Variants in CDKN2B-AS1 observed in about 807,000 individuals in gnomAD.
CDKN2B-AS1 encodes the protein CDKN2B and CDKN2A antisense cis and trans regulatory RNA 1.
chr9:22,061,782 G>T (rs1823831525), intron 4 of CDKN2B-AS1, among the ~76,000 whole-genome samples: 1 of 151,972 alleles, frequency 6.6e-6, no homozygotes, highest in African/African-American at 2.4e-5. Flanking sequence ...TACAAAAGGG[G>T]GGAGGGAATA....
At chr9:22,091,912 G>A (rs1825102362) in intron 4 of CDKN2B-AS1, among the ~76,000 whole-genome samples, 1 of 152,238 alleles carries the variant, frequency 6.6e-6, no homozygotes, top group South Asian at 2.1e-4. Context: ...GTTTTCAAAG[G>A]GAATGCTTCC....
intron 3 of CDKN2B-AS1, chr9:22,056,234 A>ATATAT (rs777560826): frequency 3.1e-5 from 3 of 98,284 alleles, no homozygotes; most frequent in African/African-American, 4.0e-5. Flanking sequence ...ATATATATAT[A>ATATAT]TTTTTTTTTT....
chr9:22,062,998 T>TAGAG (rs769270060), intron 4 of CDKN2B-AS1, among the ~76,000 whole-genome samples: 1 of 148,396 alleles, frequency 6.7e-6, no homozygotes, highest in Non-Finnish European at 1.5e-5. Context: ...TATATATATA[T>TAGAG]AGAGAGAGAG....
At chr9:22,092,976 C>T (rs1825146143) in intron 4 of CDKN2B-AS1, among the ~76,000 whole-genome samples, 1 of 152,108 alleles carries the variant, frequency 6.6e-6, no homozygotes, top group Non-Finnish European at 1.5e-5. Flanking sequence ...TATAAATTTC[C>T]CTCTACACAC....
At chr9:22,016,865 C>G (rs1442141247) in intron 1 of CDKN2B-AS1, among the ~76,000 whole-genome samples, 2 of 152,138 alleles carry the variant, frequency 1.3e-5, no homozygotes, top group Admixed American at 1.3e-4. Context: ...TTACTATAAA[C>G]CTATAGATTT....
chr9:22,072,968 C>T (rs1824355321), intron 4 of CDKN2B-AS1, among the ~76,000 whole-genome samples: 1 of 152,124 alleles, frequency 6.6e-6, no homozygotes, highest in African/African-American at 2.4e-5. Context: ...GAGTAGAAAT[C>T]ATGAGTGTGA....
At chr9:22,064,503 G>A (rs553926027) in intron 4 of CDKN2B-AS1, among the ~76,000 whole-genome samples, 1 of 152,302 alleles carries the variant, frequency 6.6e-6, no homozygotes, top group East Asian at 1.9e-4. Context: ...TTAAGAACGA[G>A]GGGAGGCAAA....
At chr9:22,071,828 T>TTC (rs1824308560) in intron 4 of CDKN2B-AS1, among the ~76,000 whole-genome samples, 1 of 152,238 alleles carries the variant, frequency 6.6e-6, no homozygotes, top group Non-Finnish European at 1.5e-5. Flanking sequence ...GAATAGTTAC[T>TTC]TCTAGTCAGT....
chr9:22,016,368 C>A (rs1167083101), intron 1 of CDKN2B-AS1, among the ~76,000 whole-genome samples: 1 of 152,210 alleles, frequency 6.6e-6, no homozygotes, highest in Non-Finnish European at 1.5e-5. Flanking sequence ...AATGGCCATA[C>A]TGCCCAAGGT....
At chr9:22,109,447 C>T (rs1825744940) in intron 4 of CDKN2B-AS1, among the ~76,000 whole-genome samples, 1 of 152,138 alleles carries the variant, frequency 6.6e-6, no homozygotes, top group South Asian at 2.1e-4. Context: ...TCATCAAATT[C>T]CTAGTGCCTA....
At chr9:22,038,201 T>G (rs897047352) in intron 1 of CDKN2B-AS1, among the ~76,000 whole-genome samples, 5 of 152,150 alleles carry the variant, frequency 3.3e-5, no homozygotes, top group Middle Eastern at 3.4e-3. Flanking sequence ...TTATGGATTT[T>G]TTTTTCAGTG....
chr9:22,126,344 G>C (rs1056337272), intron 4 of CDKN2B-AS1, among the ~76,000 whole-genome samples: 12 of 152,200 alleles, frequency 7.9e-5, no homozygotes, highest in Middle Eastern at 3.4e-3. Flanking sequence ...TCTATCATAG[G>C]TGAGAAAATA....
intron 1 of CDKN2B-AS1, among the ~76,000 whole-genome samples, chr9:22,035,930 G>A (rs1822668122): frequency 6.6e-6 from 1 of 152,128 alleles, no homozygotes; most frequent in Non-Finnish European, 1.5e-5. Flanking sequence ...TGAAGGAGAT[G>A]CCACAGGACA....
At chr9:22,105,583 A>T (rs1048413247) in intron 4 of CDKN2B-AS1, among the ~76,000 whole-genome samples, 2 of 151,834 alleles carry the variant, frequency 1.3e-5, no homozygotes, top group Non-Finnish European at 2.9e-5. Flanking sequence ...TGTATGTCTG[A>T]AAAGAGAGAC....
At chr9:22,029,485 T>A (rs1822376802) in intron 1 of CDKN2B-AS1, 1 of 779,530 alleles carries the variant, frequency 1.3e-6, no homozygotes, top group African/African-American at 1.7e-5. Context: ...TTGGTGTCCA[T>A]GCTGTGATGA....
At chr9:22,085,231 G>T (rs1824828029) in intron 4 of CDKN2B-AS1, among the ~76,000 whole-genome samples, 2 of 152,170 alleles carry the variant, frequency 1.3e-5, no homozygotes, top group Non-Finnish European at 2.9e-5. Flanking sequence ...TAGGTAGCTA[G>T]TTTGCCCACA....
chr9:22,091,884 C>T (rs1332827463), intron 4 of CDKN2B-AS1, among the ~76,000 whole-genome samples: 1 of 152,172 alleles, frequency 6.6e-6, no homozygotes, highest in African/African-American at 2.4e-5. Context: ...TGAGAGAGGG[C>T]ATCCCTGTCT....
At chr9:22,042,884 A>G (rs1219482013) in intron 1 of CDKN2B-AS1, among the ~76,000 whole-genome samples, 1 of 152,110 alleles carries the variant, frequency 6.6e-6, no homozygotes, top group African/African-American at 2.4e-5. Context: ...TATATCCTTA[A>G]TATGTATGAC....
intron 4 of CDKN2B-AS1, among the ~76,000 whole-genome samples, chr9:22,125,720 C>T (rs2131379071): frequency 6.6e-6 from 1 of 152,234 alleles, no homozygotes; most frequent in South Asian, 2.1e-4. Flanking sequence ...CAAATATATA[C>T]AAACATGTAT....
Sources: gnomAD v4.1 joint callset for allele counts (sites outside exome capture counted in the v4.1 genomes callset) on GRCh38, gnomAD v4.1.1 for gene constraint, MANE v1.5 for transcripts, NCBI Gene and HGNC (gene_info 2026-07-23, HGNC 2026-07-21) for gene names.